The following ZFHX2 variants were observed in gnomAD, a reference collection of about 807,000 sequenced individuals.
ZFHX2 encodes zinc finger homeobox 2.
In ZFHX2, 75 loss-of-function variants were observed where a neutral mutation model predicts 164.8. The observed-to-expected ratio is 0.46, with a 90% CI of 0.38 to 0.55. ZFHX2 has a LOEUF of 0.55. ZFHX2 is among the 20% of genes least tolerant of loss of function. The pLI is 0.00. For missense variants in ZFHX2, 2,933 were observed against 3,308.0 expected (o/e 0.89, Z 2.78); for synonymous variants, 1,217 against 1,351.4 (o/e 0.90, Z 2.18).
chr14:23,553,852 C>T (rs1486806273), upstream of ZFHX2, among the ~76,000 whole-genome samples: 2 of 152,006 alleles, frequency 1.3e-5, no homozygotes, highest in African/African-American at 4.8e-5. Flanking sequence ...CGAGATGGCG[C>T]CACTACACTC....
chr14:23,548,720 TTCTC>T (rs371978845), intron 1 of ZFHX2, among the ~76,000 whole-genome samples: 2 of 151,336 alleles, frequency 1.3e-5, no homozygotes, highest in Admixed American at 6.6e-5. Context: ...GCTCGTGAGG[TTCTC>T]TCTCTCTCTG....
At chr14:23,548,849 C>T (rs555864945) in intron 1 of ZFHX2, among the ~76,000 whole-genome samples, 13 of 152,270 alleles carry the variant, frequency 8.5e-5, no homozygotes, top group South Asian at 2.1e-4. Context: ...AACCCCCCGG[C>T]GCCCCCGCAG....
At position 23,550,968 on chromosome 14, in the gene ZFHX2, C is replaced by A. The variant is rs1277433112; in HGVS notation, c.-50+375G>T. The stretch of plus-strand genomic sequence containing the variant: ...CCTCACACTCACCGGGCCTCCCCTT[C>A]CCCCCGGGATCCCCGCTCCCTGCCC... On this transcript the variant is annotated intron_variant, in intron 1 of 9. Transcript: ENST00000419474. Among the ~76,000 whole-genome samples, 7 of 152,128 alleles carry A rather than the reference C, an allele frequency of 4.6e-5. No homozygotes were observed. In the South Asian group the frequency reaches 1.5e-3, roughly 32 times the overall value.
chr14:23,554,281 C>T (rs1021414215), upstream of ZFHX2, among the ~76,000 whole-genome samples: 1 of 152,136 alleles, frequency 6.6e-6, no homozygotes, highest in Non-Finnish European at 1.5e-5. Context: ...GAAAAGCAGG[C>T]TTTAGGAGCT....
chr14:23,538,557 C>G (rs772460191), intron 1 of ZFHX2, among the ~76,000 whole-genome samples: 7 of 152,146 alleles, frequency 4.6e-5, no homozygotes, highest in Non-Finnish European at 1.0e-4. Flanking sequence ...CCTGCCACCC[C>G]CAAGACCAAG....
chr14:23,531,023 G>A (rs947694532), intron 4 of ZFHX2: 1 of 157,376 alleles, frequency 6.4e-6, no homozygotes, highest in Non-Finnish European at 1.4e-5. Flanking sequence ...AGACCTCCTA[G>A]GAGACAGGAA....
rs1287587023 is a variant in ZFHX2 at position 23,533,565 on chromosome 14, A to G, written c.1761T>C (p.His587=). Residue 587 remains histidine, a synonymous_variant, in exon 2 of 10, where the codon CAT becomes CAC. Transcript: ENST00000419474. The surrounding 1 kb of genome is among the most constrained non-coding windows in gnomAD (Gnocchi z 4.8). Reference sequence around the variant, plus strand: ...TCTGCATGTGCTTCTCAGAGGTCATATGGATGCGCAGGTTACGGGAGATGT... The same window carrying G: ...TCTGCATGTGCTTCTCAGAGGTCATGTGGATGCGCAGGTTACGGGAGATGT... The part of the protein sequence containing the change: ...ETNISRNLRI[H]MTSEKHMQNV... 1 of 1,536,506 alleles carries G rather than the reference A, an allele frequency of 6.5e-7. No homozygotes were observed. Among genetic ancestry groups the G allele is most frequent in the South Asian group, 1.2e-5 (1 of 84,066 alleles).
upstream of ZFHX2, among the ~76,000 whole-genome samples, chr14:23,554,717 T>C (rs1360414566): frequency 6.6e-6 from 1 of 151,924 alleles, no homozygotes; most frequent in East Asian, 1.9e-4. Flanking sequence ...CCAGTGTCCT[T>C]CTCCCTATAA....
intron 1 of ZFHX2, among the ~76,000 whole-genome samples, chr14:23,540,837 C>T (rs892837197): frequency 7.2e-5 from 11 of 152,196 alleles, no homozygotes; most frequent in East Asian, 3.8e-4. Context: ...TCCTGTCTCC[C>T]GTCACAGAGT....
At chr14:23,543,078 A>T (rs1362407051) in intron 1 of ZFHX2, 1 of 152,226 alleles carries the variant, frequency 6.6e-6, no homozygotes, top group Non-Finnish European at 1.5e-5. Flanking sequence ...TGGTTATTTT[A>T]TTCTGTGAAC....
rs572588233 is a variant in ZFHX2, at chr14:23,533,286, G to A, written c.2040C>T (p.Ser680=). Residue 680 remains serine (S), a splice_region_variant and synonymous_variant, in exon 2 of 10, where the codon TCC becomes TCT. Coordinates refer to ENST00000419474, the MANE Select transcript of ZFHX2 (RefSeq NM_033400.3). This position sits in a 1 kb window ranked among gnomAD's most constrained non-coding sequence, Gnocchi z 4.8. The part of the protein sequence containing the change: ...VGAPARKFPT[S]APGSLSPDAH... ...GAGGGAAGAAGCACAGAAGCTTACC[G>A]GATGTGGGGAACTTGCGGGCAGGTG... 1.0e-4 allele frequency: 149 copies of A among 1,436,354 alleles called. No individual in the cohort carries two copies. Among genetic ancestry groups the A allele is most frequent in the East Asian group, 5.2e-4 (21 of 40,018 alleles). 89.0% of individuals were successfully genotyped at this position (1,436,354 alleles called of 1,614,324 possible).
At position 23,526,038 on chromosome 14, in the gene ZFHX2, C is replaced by T. The variant is rs905833195; in HGVS notation, c.3904G>A (p.Gly1302Arg). Residue 1302 changes from glycine (G) to arginine (R), a missense_variant, in exon 9 of 10, where the codon GGG becomes AGG. By Grantham distance (125) the Gly-to-Arg change is moderately radical. Transcript: ENST00000419474. ...QEEPKEGETE[G>R]EVGTEKKGPD... The stretch of plus-strand genomic sequence containing the variant: ...CCCTTCTTCTCAGTGCCCACCTCCC[C>T]CTCTGTCTCGCCTTCCTTGGGCTCT... 2.7e-5 allele frequency: 41 copies of T among 1,536,292 alleles called. No individual in the cohort carries two copies. Among genetic ancestry groups the T allele is most frequent in the East Asian group, 4.9e-5 (2 of 40,926 alleles).
chr14:23,522,428 G>A lies in ZFHX2; in HGVS notation c.7253C>T (p.Pro2418Leu). 6.5e-7 allele frequency: 1 copy of A among 1,536,482 alleles called. No individual in the cohort carries two copies. Among genetic ancestry groups the A allele is most frequent in the South Asian group, 1.2e-5 (1 of 84,064 alleles). ...PEPTATAPPK[P>L]PELPAPGEGE... is the part of the protein sequence containing the mutation. ...CTCCCCTGGAGCAGGCAGTTCAGGA[G>A]GCTTTGGAGGTGCTGTGGCTGTGGG... The change falls in exon 10 of 10, where the codon CCT becomes CTT. Residue 2418 changes from proline to leucine, a missense_variant. Physicochemically the swap from Pro to Leu is moderately conservative, Grantham distance 98 (BLOSUM62 -3). Coordinates refer to ENST00000419474, the MANE Select transcript of ZFHX2 (RefSeq NM_033400.3).
intron 1 of ZFHX2, among the ~76,000 whole-genome samples, chr14:23,542,722 C>T (rs1229927615): frequency 1.3e-5 from 2 of 152,026 alleles, no homozygotes; most frequent in African/African-American, 4.8e-5. Flanking sequence ...ATTTGGTCTC[C>T]CAGAACTTGG....
intron 1 of ZFHX2, chr14:23,543,699 T>C (rs1226075291): frequency 6.6e-6 from 1 of 152,172 alleles, no homozygotes; most frequent in Admixed American, 6.5e-5. Context: ...GGATAGATAA[T>C]GGCGGGTAGT....
At chr14:23,530,530 G>A (rs1000718292) in intron 4 of ZFHX2, 19 of 517,414 alleles carry the variant, frequency 3.7e-5, no homozygotes, top group Admixed American at 3.1e-4. Context: ...CCAGAGAAAT[G>A]TAGTAGGAGG....
At chr14:23,548,783 C>T (rs772789823) in intron 1 of ZFHX2, among the ~76,000 whole-genome samples, 12 of 152,180 alleles carry the variant, frequency 7.9e-5, no homozygotes, top group Non-Finnish European at 1.5e-4. Flanking sequence ...GGGCATTTCT[C>T]TCTTCTGGGG....
In ZFHX2 at chr14:23,535,487, A is replaced by C; in HGVS notation, c.-49-113T>G. ...TCTTCCCTGAACACCAGACTCAGAC[A>C]CCACTTTGCTAACCTGAAATTTCAC... On this transcript the variant is annotated intron_variant, in intron 1 of 9. Coordinates refer to ENST00000419474, the MANE Select transcript of ZFHX2 (RefSeq NM_033400.3). This position sits in a 1 kb window ranked among gnomAD's most constrained non-coding sequence, Gnocchi z 4.5. 1.2e-6 allele frequency: 1 copy of C among 818,386 alleles called. No homozygotes were observed. Among genetic ancestry groups the C allele is most frequent in the South Asian group, 5.1e-5 (1 of 19,574 alleles). 50.7% of individuals were successfully genotyped at this position (818,386 alleles called of 1,614,324 possible). A position where few individuals can be genotyped will look rare whatever the true frequency, so the allele number is the denominator to read the frequency against.
chr14:23,520,912 T>C lies in ZFHX2; in HGVS notation c.*1050A>G, dbSNP rs371824233. On this transcript the variant is annotated 3_prime_UTR_variant, in exon 10 of 10. Coordinates refer to ENST00000419474, the MANE Select transcript of ZFHX2 (RefSeq NM_033400.3). The surrounding 1 kb of genome is among the most constrained non-coding windows in gnomAD (Gnocchi z 8.7). ...TCTGTATTTTCCAAGTTTACGTTTT[T>C]CTTTAGTTCATTCCTCTGGTGTCCG... 6.6e-6 allele frequency: 1 copy of C among 152,124 alleles called. No individual in the cohort carries two copies. 9.4% of individuals were successfully genotyped at this position (152,124 alleles called of 1,614,324 possible). A position where few individuals can be genotyped will look rare whatever the true frequency, so the allele number is the denominator to read the frequency against.
Sources: allele counts gnomAD v4.1 joint callset (sites outside exome capture counted in the v4.1 genomes callset), GRCh38; gene constraint gnomAD v4.1.1; non-coding constraint Gnocchi (gnomAD v3.1); transcripts MANE v1.5; gene names NCBI Gene and HGNC (gene_info 2026-07-23, HGNC 2026-07-21).